VPS37A: variants seen among roughly 807,000 people sequenced by gnomAD.
VPS37A encodes the protein vacuolar protein sorting-associated protein 37A.
Under a neutral mutation model 49.8 loss-of-function variants are expected in VPS37A, and 30 were observed. The ratio of observed to expected loss-of-function variants is 0.60; its 90% confidence interval spans 0.45 to 0.82. The LOEUF is 0.82. Among genes scored for constraint, VPS37A ranks in the 40% least tolerant of loss-of-function variants. The pLI is 0.00. For synonymous variants in VPS37A, 195 were observed against 160.6 expected, an observed-to-expected ratio of 1.21 and a Z score of -1.62; for missense variants, 593 against 464.4, an observed-to-expected ratio of 1.28 and a Z score of -2.55.
the VPS37A span, among the ~76,000 whole-genome samples, chr8:17,325,282 G>A: frequency 1.3e-5 from 2 of 152,214 alleles, no homozygotes; most frequent in South Asian, 2.1e-4. Flanking sequence ...TACCCACCAC[G>A]ATGGTGCCTC....
chr8:17,325,764 A>G, the VPS37A span, among the ~76,000 whole-genome samples: 4 of 144,360 alleles, frequency 2.8e-5, no homozygotes, highest in Non-Finnish European at 3.0e-5. Context: ...CGAGACAAAC[A>G]CTTCTGAAAC....
At chr8:17,306,130 G>A (rs1213426248), downstream of VPS37A, among the ~76,000 whole-genome samples, 2 of 152,166 alleles carry the variant, frequency 1.3e-5, no homozygotes. Context: ...AATTTCCAGA[G>A]CAACTTTGTA....
At chr8:17,309,070 A>G in the VPS37A span, among the ~76,000 whole-genome samples, 1 of 152,244 alleles carries the variant, frequency 6.6e-6, no homozygotes, top group Non-Finnish European at 1.5e-5. Context: ...ACAAGTTAAC[A>G]TTAGTTAGTT....
intron 6 of VPS37A, chr8:17,279,710 T>G (rs1229752416): frequency 4.6e-6 from 2 of 435,966 alleles, no homozygotes; most frequent in Non-Finnish European, 9.0e-6. Context: ...TTGACTTTAT[T>G]TTTAATTTCA....
intron 2 of VPS37A, among the ~76,000 whole-genome samples, chr8:17,267,749 A>G (rs1033572175): frequency 6.6e-6 from 1 of 151,936 alleles, no homozygotes; most frequent in African/African-American, 2.4e-5. Flanking sequence ...CTGGACTTGA[A>G]CTCCTGGGCT....
At chr8:17,286,070 G>T (rs1815557669) in intron 10 of VPS37A, among the ~76,000 whole-genome samples, 1 of 152,166 alleles carries the variant, frequency 6.6e-6, no homozygotes, top group South Asian at 2.1e-4. Flanking sequence ...GGGAGCATGA[G>T]AGGTTCCCTA....
At chr8:17,272,600 C>G (rs909059868) in intron 4 of VPS37A, among the ~76,000 whole-genome samples, 2 of 152,060 alleles carry the variant, frequency 1.3e-5, no homozygotes, top group African/African-American at 2.4e-5. Context: ...CAAAATAAAG[C>G]AGATTGGGTC....
At chr8:17,302,332 T>C (rs1476896489), downstream of VPS37A, 2 of 1,564,216 alleles carry the variant, frequency 1.3e-6, no homozygotes, top group African/African-American at 1.4e-5. Context: ...GTCTGAAAAT[T>C]CACATCCTCA....
chr8:17,287,952 G>A (rs1348518414), intron 11 of VPS37A, among the ~76,000 whole-genome samples: 1 of 152,104 alleles, frequency 6.6e-6, no homozygotes, highest in Non-Finnish European at 1.5e-5. Context: ...AGGGACTAGG[G>A]TACAGGAAAA....
chr8:17,283,513 G>C (rs1815296024), intron 9 of VPS37A, among the ~76,000 whole-genome samples: 1 of 152,092 alleles, frequency 6.6e-6, no homozygotes, highest in Non-Finnish European at 1.5e-5. Context: ...TGATCCATTT[G>C]GAATCAATTT....
downstream of VPS37A, among the ~76,000 whole-genome samples, chr8:17,307,234 A>C (rs1817512592): frequency 6.6e-6 from 1 of 152,106 alleles, no homozygotes; most frequent in South Asian, 2.1e-4. Context: ...AGGATATGAA[A>C]AGACACTTCT....
chr8:17,331,393 A>G, the VPS37A span: 1 of 1,163,778 alleles, frequency 8.6e-7, no homozygotes, highest in Non-Finnish European at 1.2e-6. Flanking sequence ...TGATGTACGG[A>G]AACATAATAC....
intron 11 of VPS37A, among the ~76,000 whole-genome samples, chr8:17,289,643 C>T (rs746092451): frequency 7.9e-5 from 12 of 152,014 alleles, no homozygotes; most frequent in East Asian, 1.9e-4. Flanking sequence ...TGATGCCTGC[C>T]GCCAGCTTTG....
chr8:17,293,713 C>A (rs773588243), intron 11 of VPS37A, among the ~76,000 whole-genome samples: 1 of 152,200 alleles, frequency 6.6e-6, no homozygotes, highest in Non-Finnish European at 1.5e-5. Context: ...AGCCCCTCTT[C>A]TGCAGGTCTG....
rs1027826950 is a variant in VPS37A, at chr8:17,246,978, G to T, written c.-267G>T. The stretch of plus-strand genomic sequence containing the variant: ...GGAGCGCTGGGCGGCCAGGCTCCCT[G>T]GCTGGCCGGTTTGGGCGTCTGGGCC... On this transcript the variant is annotated 5_prime_UTR_variant, in exon 1 of 12. Coordinates refer to ENST00000324849, the MANE Select transcript of VPS37A (RefSeq NM_152415.3). The T allele has an allele frequency of 1.9e-5, 9 of 483,508 alleles. No individual in the cohort carries two copies. Among genetic ancestry groups the T allele is most frequent in the Admixed American group, 1.5e-4 (4 of 26,538 alleles). 30.0% of individuals were successfully genotyped at this position (483,508 alleles called of 1,614,324 possible).
intron 1 of VPS37A, among the ~76,000 whole-genome samples, chr8:17,258,382 A>G (rs1463117610): frequency 6.6e-6 from 1 of 152,186 alleles, no homozygotes; most frequent in East Asian, 1.9e-4. Flanking sequence ...CTTTTTCAGC[A>G]TCTGTTGAAA....
rs973925469 is a variant in VPS37A, at chr8:17,274,835, A to G, written c.519A>G (p.Leu173=). The G allele has an allele frequency of 3.7e-6, 6 of 1,614,146 alleles. No individual in the cohort carries two copies. Among genetic ancestry groups the G allele is most frequent in the Non-Finnish European group, 4.2e-6 (5 of 1,180,008 alleles). The change falls in exon 5 of 12, where the codon TTA becomes TTG. Residue 173 remains leucine, a synonymous_variant. Coordinates refer to ENST00000324849, the MANE Select transcript of VPS37A (RefSeq NM_152415.3). ...AAGCAAACAGGAGTATCACTTCTTT[A>G]TCTGTTGCTGACACTGTTTCTTCTT... ...PQEANRSITS[L]SVADTVSSST...
At chr8:17,278,898 CG>C (rs1173529493) in intron 6 of VPS37A, among the ~76,000 whole-genome samples, 3 of 151,952 alleles carry the variant, frequency 2.0e-5, no homozygotes, top group Non-Finnish European at 4.4e-5. Flanking sequence ...AATTATCCAA[CG>C]TTTTTATATG....
chr8:17,273,023 C>CTTTTTTTTTT (rs1166192119), intron 4 of VPS37A, among the ~76,000 whole-genome samples: 3 of 43,826 alleles, frequency 6.8e-5, no homozygotes, highest in Non-Finnish European at 1.2e-4. Flanking sequence ...TTTGCCCTTC[C>CTTTTTTTTTT]TTTTTTTTTT....
Sources: allele counts gnomAD v4.1 joint callset (sites outside exome capture counted in the v4.1 genomes callset), GRCh38; gene constraint gnomAD v4.1.1; transcripts MANE v1.5; gene names NCBI Gene and HGNC (gene_info 2026-07-23, HGNC 2026-07-21).